The following ZFX variants were observed in gnomAD, a reference collection of about 807,000 sequenced individuals.
ZFX encodes zinc finger protein X-linked, also known as zinc finger X-chromosomal protein.
For synonymous variants in ZFX, 196 were observed against 226.8 expected (o/e 0.86, Z 1.22); for missense variants, 362 against 628.3 (o/e 0.58, Z 4.53).
intron 5 of ZFX, among the ~76,000 whole-genome samples, chrX:24,185,813 C>T (rs1279610611): frequency 3.6e-5 from 4 of 111,060 alleles, no homozygotes; most frequent in Non-Finnish European, 5.7e-5. Context: ...TGCCTGTAAT[C>T]GCAACACTTT....
At chrX:24,171,947 A>G (rs1308408980) in intron 3 of ZFX, among the ~76,000 whole-genome samples, 3 of 110,706 alleles carry the variant, frequency 2.7e-5, no homozygotes, top group African/African-American at 3.3e-5. Context: ...AGAGAGGCAG[A>G]CAGACAGACA....
chrX:24,171,401 A>C (rs1445678183), intron 3 of ZFX, among the ~76,000 whole-genome samples: 1 of 111,066 alleles, frequency 9.0e-6, no homozygotes, highest in Non-Finnish European at 1.9e-5. Flanking sequence ...ACATGCTGAC[A>C]GTGGTAGAGG....
At chrX:24,157,623 A>G (rs1261330067) in intron 3 of ZFX, among the ~76,000 whole-genome samples, 2 of 112,129 alleles carry the variant, frequency 1.8e-5, no homozygotes, top group East Asian at 2.8e-4. Flanking sequence ...AAAATCCCAT[A>G]AATAATAATG....
chrX:24,149,584 C>A (rs1931712654), upstream of ZFX: 1 of 110,881 alleles, frequency 9.0e-6, no homozygotes, highest in Non-Finnish European at 1.9e-5. Context: ...GTCTACCCTT[C>A]CGCATTTTCC....
At chrX:24,187,476 A>G (rs1936216465) in intron 5 of ZFX, among the ~76,000 whole-genome samples, 1 of 112,054 alleles carries the variant, frequency 8.9e-6, no homozygotes, top group Admixed American at 9.5e-5. Context: ...ATGAATTCCA[A>G]ATTTCAACAA....
At chrX:24,163,364 GTTTTTTTTTTTTTTTTTT>G (rs66467960) in intron 3 of ZFX, among the ~76,000 whole-genome samples, 1 of 19,049 alleles carries the variant, frequency 5.2e-5, no homozygotes, top group African/African-American at 2.3e-4. Context: ...TTTTTGTTAG[GTTTTTTTTTTTTTTTTTT>G]TTTTTTTTTT....
At chrX:24,209,124 A>G in intron 9 of ZFX, 84 bp downstream of exon 9, 1 of 1,180,125 alleles carries the variant, frequency 8.5e-7, no homozygotes, top group Non-Finnish European at 1.1e-6. Flanking sequence ...GGGTGTCACA[A>G]TGGCATTTTA....
intron 5 of ZFX, among the ~76,000 whole-genome samples, chrX:24,195,744 G>A (rs749649421): frequency 5.3e-4 from 59 of 111,127 alleles, no homozygotes; most frequent in African/African-American, 1.9e-3. Flanking sequence ...TGCCCACCTT[G>A]GCTTCCCAAA....
At chrX:24,170,687 T>C (rs2147485295) in intron 3 of ZFX, among the ~76,000 whole-genome samples, 1 of 104,950 alleles carries the variant, frequency 9.5e-6, no homozygotes, top group Non-Finnish European at 2.0e-5. Context: ...CTTGGCTCAT[T>C]GCAACCTCCG....
intron 5 of ZFX, among the ~76,000 whole-genome samples, chrX:24,194,723 T>G (rs2147880517): frequency 9.0e-6 from 1 of 110,935 alleles, no homozygotes; most frequent in Non-Finnish European, 1.9e-5. Context: ...CTCTTGTTTA[T>G]ATCAATTAGC....
intron 5 of ZFX, among the ~76,000 whole-genome samples, chrX:24,192,745 A>G (rs1415241635): frequency 2.7e-5 from 3 of 110,157 alleles, no homozygotes; most frequent in Non-Finnish European, 5.7e-5. Flanking sequence ...ATCTCTAGAA[A>G]CAATTAAAAA....
intron 4 of ZFX, among the ~76,000 whole-genome samples, chrX:24,174,324 C>G (rs1464387427): frequency 9.0e-6 from 1 of 111,182 alleles, no homozygotes; most frequent in Non-Finnish European, 1.9e-5. Flanking sequence ...TGTAAATGAT[C>G]AGATTGTAGT....
intron 3 of ZFX, among the ~76,000 whole-genome samples, chrX:24,160,773 A>G (rs933229936): frequency 2.7e-5 from 3 of 111,850 alleles, no homozygotes; most frequent in Non-Finnish European, 3.8e-5. Flanking sequence ...ATTTTTAACT[A>G]TAATCACCCT....
chrX:24,172,433 C>T (rs1215924721), intron 3 of ZFX, among the ~76,000 whole-genome samples: 1 of 111,962 alleles, frequency 8.9e-6, no homozygotes, highest in African/African-American at 3.2e-5. Context: ...TAGAATTCAT[C>T]AAGATGTGTG....
chrX:24,171,905 G>GAGAGAGA (rs1491416209), intron 3 of ZFX, among the ~76,000 whole-genome samples: 34 of 41,911 alleles, frequency 8.1e-4, no homozygotes, highest in African/African-American at 2.2e-3. Context: ...AGAGAGAGAA[G>GAGAGAGA]GAGAGAGAGA....
chrX:24,160,341 C>G (rs1214982526), intron 3 of ZFX, among the ~76,000 whole-genome samples: 4 of 104,302 alleles, frequency 3.8e-5, no homozygotes, highest in Non-Finnish European at 7.8e-5. Context: ...CTCTGTCGCC[C>G]AAGGTGGAGT....
rs899655050 is a variant in ZFX at position 24,193,779 on chromosome X, T to G, written c.647-13547T>G. ...TGGAATTGTGGCAAAAGCTTTTAAT[T>G]TAGTTTTTAAAATTATTGTTTTTTA... On this transcript the variant is annotated intron_variant, in intron 5 of 9. Coordinates refer to ENST00000304543, the MANE Select transcript of ZFX (RefSeq NM_003410.4). Among the ~76,000 whole-genome samples, 4 of 112,131 alleles carry G rather than the reference T, an allele frequency of 3.6e-5. No homozygotes were observed. The South Asian group carries it at 1.1e-3, about 31-fold the overall frequency.
intron 2 of ZFX, among the ~76,000 whole-genome samples, chrX:24,152,135 G>A (rs967604408): frequency 1.8e-5 from 2 of 108,755 alleles, no homozygotes; most frequent in Non-Finnish European, 3.8e-5. Flanking sequence ...TATTCCCGTG[G>A]TAATTTTTTT....
At chrX:24,166,067 C>G (rs763340937) in intron 3 of ZFX, among the ~76,000 whole-genome samples, 1 of 112,398 alleles carries the variant, frequency 8.9e-6, no homozygotes, top group African/African-American at 3.2e-5. Context: ...TTCCTCACAT[C>G]AAGCTAAGCC....
Sources: gnomAD v4.1 joint callset for allele counts (sites outside exome capture counted in the v4.1 genomes callset) on GRCh38, gnomAD v4.1.1 for gene constraint, MANE v1.5 for transcripts, NCBI Gene and HGNC (gene_info 2026-07-23, HGNC 2026-07-21) for gene names.